The following TENM2 variants were observed in gnomAD, a reference collection of about 807,000 sequenced individuals.
TENM2 encodes teneurin transmembrane protein 2.
Under a neutral mutation model 245.2 loss-of-function variants are expected in TENM2, and 52 were observed. The observed-to-expected ratio is 0.21, with a 90% CI of 0.17 to 0.27. TENM2 has a LOEUF of 0.27. Ranked by LOEUF, TENM2 falls within the 10% of genes least tolerant of loss-of-function variation. The pLI is 1.00. For missense variants in TENM2, 3,046 were observed against 3,666.8 expected, an observed-to-expected ratio of 0.83 and a Z score of 4.37; for synonymous variants, 1,363 against 1,438.9, an observed-to-expected ratio of 0.95 and a Z score of 1.19.
At chr5:167,642,065 C>T (rs1043670760) in intron 2 of TENM2, among the ~76,000 whole-genome samples, 1 of 150,894 alleles carries the variant, frequency 6.6e-6, no homozygotes. Flanking sequence ...CGCTTGAACC[C>T]AGGAGGCGGA....
intron 12 of TENM2, among the ~76,000 whole-genome samples, chr5:168,157,990 T>G (rs1337761124): frequency 6.6e-6 from 1 of 152,194 alleles, no homozygotes; most frequent in Non-Finnish European, 1.5e-5. Context: ...TAGCACGATC[T>G]TGACTCACTG....
intron 25 of TENM2, chr5:168,229,517 A>C (rs550553365): frequency 3.0e-4 from 41 of 135,652 alleles, no homozygotes; most frequent in African/African-American, 1.4e-3. Flanking sequence ...GTAGATCATA[A>C]GTAAAAACTA....
intron 2 of TENM2, among the ~76,000 whole-genome samples, chr5:167,773,388 A>G (rs762171073): frequency 2.2e-4 from 33 of 152,190 alleles, no homozygotes; most frequent in Non-Finnish European, 4.7e-4. Flanking sequence ...TAGGGCAAGT[A>G]CCACTGGTAA....
intron 2 of TENM2, among the ~76,000 whole-genome samples, chr5:167,825,458 A>G (rs986495415): frequency 2.6e-5 from 4 of 152,212 alleles, no homozygotes; most frequent in Non-Finnish European, 5.9e-5. Context: ...GCGTTTGCTT[A>G]GAAGAGCAGA....
chr5:167,976,885 C>G (rs951498163), intron 4 of TENM2, among the ~76,000 whole-genome samples: 1 of 152,060 alleles, frequency 6.6e-6, no homozygotes, highest in Non-Finnish European at 1.5e-5. Context: ...TTCATTGCAG[C>G]ACTATTCACA....
intron 2 of TENM2, among the ~76,000 whole-genome samples, chr5:167,452,307 G>C (rs986462934): frequency 1.3e-5 from 2 of 152,232 alleles, no homozygotes; most frequent in Non-Finnish European, 2.9e-5. Flanking sequence ...GTGGGAGGAG[G>C]GTCTGTTATG....
chr5:167,085,081 G>A, the TENM2 span, among the ~76,000 whole-genome samples: 1 of 152,110 alleles, frequency 6.6e-6, no homozygotes, highest in Non-Finnish European at 1.5e-5. Flanking sequence ...CTGCCTTTGA[G>A]TGACTCCAAG....
intron 2 of TENM2, among the ~76,000 whole-genome samples, chr5:167,533,327 G>A (rs1158248127): frequency 6.6e-6 from 1 of 152,202 alleles, no homozygotes; most frequent in East Asian, 1.9e-4. Flanking sequence ...CATGTTCATA[G>A]TGGTTTTGGA....
the TENM2 span, among the ~76,000 whole-genome samples, chr5:167,085,596 A>C: frequency 6.6e-6 from 1 of 152,174 alleles, no homozygotes; most frequent in Non-Finnish European, 1.5e-5. Flanking sequence ...AAAGATGAAG[A>C]AACTAAGGTT....
intron 2 of TENM2, among the ~76,000 whole-genome samples, chr5:167,646,479 T>A (rs991618185): frequency 6.6e-6 from 1 of 151,588 alleles, no homozygotes; most frequent in Non-Finnish European, 1.5e-5. Flanking sequence ...AATATAAAAA[T>A]ATAAGAGGTA....
intron 2 of TENM2, among the ~76,000 whole-genome samples, chr5:167,729,875 G>A (rs1229877943): frequency 1.3e-5 from 2 of 152,208 alleles, no homozygotes; most frequent in African/African-American, 4.8e-5. Flanking sequence ...CAGACCGTGA[G>A]CACTTGTTGA....
chr5:167,635,633 CTTTTTTTTTTTTTTTTTTTT>C (rs76155764), intron 2 of TENM2, among the ~76,000 whole-genome samples: 1 of 74,962 alleles, frequency 1.3e-5, no homozygotes, highest in East Asian at 5.8e-4. Context: ...TCAGTACAGT[CTTTTTTTTTTTTTTTTTTTT>C]TTTTTTTTTG....
intron 2 of TENM2, among the ~76,000 whole-genome samples, chr5:167,792,176 T>C (rs985692860): frequency 2.6e-5 from 4 of 152,142 alleles, no homozygotes; most frequent in African/African-American, 7.2e-5. Flanking sequence ...CAAATAAATC[T>C]GCAAACCATG....
chr5:167,561,711 G>A (rs1773601580), intron 2 of TENM2, among the ~76,000 whole-genome samples: 1 of 152,184 alleles, frequency 6.6e-6, no homozygotes, highest in African/African-American at 2.4e-5. Flanking sequence ...AATAGATTAA[G>A]CAGACACCAA....
chr5:168,180,826 C>T (rs1171286474), intron 13 of TENM2, among the ~76,000 whole-genome samples: 3 of 152,032 alleles, frequency 2.0e-5, no homozygotes, highest in Non-Finnish European at 4.4e-5. Flanking sequence ...CACTTGAACC[C>T]AGGAGGCAGA....
chr5:167,813,474 A>G (rs1233077601), intron 2 of TENM2, among the ~76,000 whole-genome samples: 1 of 151,916 alleles, frequency 6.6e-6, no homozygotes, highest in Non-Finnish European at 1.5e-5. Flanking sequence ...AGAGTGTTGC[A>G]GTGTTGGAGG....
chr5:167,001,992 T>C, the TENM2 span, among the ~76,000 whole-genome samples: 20 of 152,212 alleles, frequency 1.3e-4, no homozygotes, highest in Admixed American at 7.2e-4. Context: ...TTTTTGTACT[T>C]ATATCAAATT....
chr5:167,531,222 G>A (rs1771478759), intron 2 of TENM2, among the ~76,000 whole-genome samples: 1 of 152,170 alleles, frequency 6.6e-6, no homozygotes, highest in Non-Finnish European at 1.5e-5. Flanking sequence ...GGAATGCCCT[G>A]TGCTGGTGGT....
the TENM2 span, among the ~76,000 whole-genome samples, chr5:167,178,498 C>T: frequency 2.8e-4 from 42 of 152,176 alleles, no homozygotes; most frequent in Non-Finnish European, 1.2e-4. Flanking sequence ...GGAGTGTTAG[C>T]GCAGACAGCA....
Sources: gnomAD v4.1 joint callset for allele counts (sites outside exome capture counted in the v4.1 genomes callset) on GRCh38, gnomAD v4.1.1 for gene constraint, MANE v1.5 for transcripts, NCBI Gene and HGNC (gene_info 2026-07-23, HGNC 2026-07-21) for gene names.